SSH2: variants seen among roughly 807,000 people sequenced by gnomAD.
The protein encoded by SSH2 is protein phosphatase Slingshot homolog 2.
In SSH2, 37 loss-of-function variants were observed where a neutral mutation model predicts 135.2. The ratio of observed to expected loss-of-function variants is 0.27; its 90% CI spans 0.21 to 0.36. The LOEUF (loss-of-function observed/expected upper bound fraction) is 0.36, where lower values mean the gene tolerates loss of function less well. SSH2 is among the 10% of genes least tolerant of loss of function. The pLI, the probability that SSH2 is intolerant of heterozygous loss-of-function variation, is 1.00. For missense variants in SSH2, 1,408 were observed against 1,765.3 expected, an observed-to-expected ratio of 0.80 and a Z score of 3.63; for synonymous variants, 628 against 646.2, an observed-to-expected ratio of 0.97 and a Z score of 0.43.
intron 1 of SSH2, among the ~76,000 whole-genome samples, chr17:29,888,770 C>CA (rs1484967225): frequency 8.0e-6 from 1 of 125,062 alleles, no homozygotes; most frequent in Non-Finnish European, 1.7e-5. Flanking sequence ...CACATCCCTA[C>CA]AAAAAACTTA....
intron 3 of SSH2, among the ~76,000 whole-genome samples, chr17:29,781,604 C>T (rs191627356): frequency 6.7e-6 from 1 of 148,416 alleles, no homozygotes; most frequent in Non-Finnish European, 1.5e-5. Context: ...CTTAGCCTAT[C>T]GAGTAACTGG....
At chr17:29,634,050 C>A (rs1171366259) in intron 15 of SSH2, among the ~76,000 whole-genome samples, 2 of 152,136 alleles carry the variant, frequency 1.3e-5, no homozygotes, top group African/African-American at 4.8e-5. Context: ...GCTCATATGA[C>A]CAGGGACTTT....
intron 3 of SSH2, among the ~76,000 whole-genome samples, chr17:29,713,459 CT>C (rs200362927): frequency 4.0e-5 from 6 of 151,288 alleles, no homozygotes; most frequent in African/African-American, 9.7e-5. Flanking sequence ...CTTTTTCTTT[CT>C]TTTTTTTTAG....
intron 1 of SSH2, among the ~76,000 whole-genome samples, chr17:29,888,089 T>A (rs1033020757): frequency 6.6e-6 from 1 of 152,062 alleles, no homozygotes; most frequent in African/African-American, 2.4e-5. Flanking sequence ...AATTTAAAAG[T>A]TAGCCAGGCA....
chr17:29,759,809 ATTCATCC>A (rs984955669), intron 3 of SSH2, among the ~76,000 whole-genome samples: 5 of 152,320 alleles, frequency 3.3e-5, no homozygotes, highest in African/African-American at 9.6e-5. Flanking sequence ...TTGTTAATCC[ATTCATCC>A]ATCCATGGAC....
intron 15 of SSH2, among the ~76,000 whole-genome samples, chr17:29,635,553 G>A (rs58345142): frequency 3.3e-5 from 4 of 121,406 alleles, no homozygotes; most frequent in Non-Finnish European, 5.1e-5. Context: ...TACAGGCGCC[G>A]CCCGCCACCA....
At position 29,761,018 on chromosome 17, in the gene SSH2, G is replaced by C. The variant is rs1048238774; in HGVS notation, c.188+32876C>G. ...GCATCCTTCCCTCCAGACGCACGGA[G>C]ACCTCCAGGCAAGCAGGATGCGCGC... On this transcript the variant is annotated intron_variant, in intron 3 of 15. Transcript: ENST00000540801. The C allele has an allele frequency of 4.3e-6, 4 of 931,448 alleles. No homozygotes were observed. The African/African-American group carries it at 7.0e-5, about 16-fold the overall frequency. 57.7% of individuals were successfully genotyped at this position (931,448 alleles called of 1,614,324 possible).
intron 1 of SSH2, among the ~76,000 whole-genome samples, chr17:29,913,347 A>AAAAAAAAAAAAAAAT: frequency 3.5e-5 from 1 of 28,778 alleles, no homozygotes; most frequent in Non-Finnish European, 5.9e-5. Flanking sequence ...AAAAAAAAAA[A>AAAAAAAAAAAAAAAT]ATATATATAT....
At chr17:29,752,207 G>A (rs1445443954) in intron 3 of SSH2, among the ~76,000 whole-genome samples, 1 of 151,996 alleles carries the variant, frequency 6.6e-6, no homozygotes, top group African/African-American at 2.4e-5. Flanking sequence ...CTGATTCTAA[G>A]ATTTATCTGG....
chr17:29,691,475 G>A (rs900923492), intron 5 of SSH2, among the ~76,000 whole-genome samples: 1 of 141,216 alleles, frequency 7.1e-6, no homozygotes, highest in Non-Finnish European at 1.5e-5. Flanking sequence ...GGAAAAGATT[G>A]GCTTTGTCCT....
At chr17:29,751,142 G>A (rs377207103) in intron 3 of SSH2, among the ~76,000 whole-genome samples, 31 of 152,294 alleles carry the variant, frequency 2.0e-4, no homozygotes, top group East Asian at 1.2e-3. Context: ...TAGGCCAGGC[G>A]CAGTGGCTCA....
At chr17:29,857,152 C>T (rs1379446072) in intron 1 of SSH2, among the ~76,000 whole-genome samples, 1 of 152,116 alleles carries the variant, frequency 6.6e-6, no homozygotes, top group Non-Finnish European at 1.5e-5. Flanking sequence ...TCTGTTTTCA[C>T]GCTGCTGACA....
intron 2 of SSH2, among the ~76,000 whole-genome samples, chr17:29,843,348 A>T (rs980360775): frequency 6.6e-6 from 1 of 152,180 alleles, no homozygotes; most frequent in Admixed American, 6.5e-5. Context: ...CAGCCTGGCC[A>T]ATATGGCGAA....
At chr17:29,839,092 T>C (rs2042996151) in intron 2 of SSH2, 1 of 152,246 alleles carries the variant, frequency 6.6e-6, no homozygotes, top group Non-Finnish European at 1.5e-5. Context: ...CGTTCCCCAG[T>C]GTCAGCCGTG....
intron 4 of SSH2, among the ~76,000 whole-genome samples, chr17:29,701,304 G>T (rs192480277): frequency 2.0e-4 from 31 of 151,406 alleles, no homozygotes; most frequent in Non-Finnish European, 3.7e-4. Context: ...ATGAGGTTTC[G>T]CCATGTTAGC....
At chr17:29,678,713 C>T (rs369056294) in intron 6 of SSH2, among the ~76,000 whole-genome samples, 59 of 112,018 alleles carry the variant, frequency 5.3e-4, no homozygotes, top group Non-Finnish European at 6.0e-4. Flanking sequence ...AATACTATTT[C>T]TTTTTTTTTT....
At chr17:29,647,951 CT>C in intron 14 of SSH2, 192 bp downstream of exon 14, 1 of 587,252 alleles carries the variant, frequency 1.7e-6, no homozygotes, top group Non-Finnish European at 3.0e-6. Context: ...GCGTGAGCCA[CT>C]GTGCCCGGCC....
chr17:29,714,244 T>C (rs2039538704), intron 3 of SSH2, among the ~76,000 whole-genome samples: 1 of 151,972 alleles, frequency 6.6e-6, no homozygotes, highest in South Asian at 2.1e-4. Context: ...AACCAAGACA[T>C]GGCACCAAGT....
chr17:29,695,909 T>G (rs1391550335), intron 4 of SSH2, among the ~76,000 whole-genome samples: 2 of 152,078 alleles, frequency 1.3e-5, no homozygotes, highest in Non-Finnish European at 2.9e-5. Context: ...AAAATGGGTG[T>G]AGTAGTGTAG....
Sources: gnomAD v4.1 joint callset for allele counts (sites outside exome capture counted in the v4.1 genomes callset) on GRCh38, gnomAD v4.1.1 for gene constraint, MANE v1.5 for transcripts, NCBI Gene and HGNC (gene_info 2026-07-23, HGNC 2026-07-21) for gene names.